SLC17A6: variants seen among roughly 807,000 people sequenced by gnomAD.
SLC17A6 encodes solute carrier family 17 member 6.
Under a neutral mutation model 67.1 loss-of-function variants are expected in SLC17A6, and 35 were observed. The observed-to-expected ratio is 0.52, with a 90% CI of 0.40 to 0.69. The LOEUF (loss-of-function observed/expected upper bound fraction) is 0.69, where lower values mean the gene tolerates loss of function less well. SLC17A6 is among the 30% of genes least tolerant of loss of function. SLC17A6 has a pLI of 0.00. For missense variants in SLC17A6, 588 were observed against 723.9 expected (o/e 0.81, Z 2.15); for synonymous variants, 285 against 252.3 (o/e 1.13, Z -1.23).
At position 22,359,249 on chromosome 11, in the gene SLC17A6, G is replaced by A. The variant is rs556075251; in HGVS notation, c.459-164G>A. On this transcript the variant is annotated intron_variant, in intron 3 of 11. Transcript: ENST00000263160. ...ATGGCCCATGTATATATTCACAATG[G>A]CTAGCCTGTTAAGTCCAGAACATAT... 6.6e-5 allele frequency among the ~76,000 whole-genome samples: 10 copies of A among 152,128 alleles called. No homozygotes were observed. The South Asian group carries it at 2.1e-3, about 32-fold the overall frequency.
rs1042128848 is a variant in SLC17A6, at chr11:22,379,057, C to A, written c.*1317C>A. 2.0e-5 allele frequency: 3 copies of A among 152,480 alleles called. No individual in the cohort carries two copies. The South Asian group carries it at 6.2e-4, about 32-fold the overall frequency. The allele number at this position is 152,480 out of a possible 1,614,324, so 9.4% of individuals were successfully genotyped here. A position where few individuals can be genotyped will look rare whatever the true frequency, so the allele number is the denominator to read the frequency against. ...AGAATTGCAACATTTGTGTACCAAG[C>A]AATAAGTGCAATGCATAAAATTTCC... On this transcript the variant is annotated 3_prime_UTR_variant, in exon 12 of 12. Transcript: ENST00000263160.
rs200240544 is a variant in SLC17A6, at chr11:22,376,029, A to T, written c.1222A>T (p.Thr408Ser). 5.7e-4 allele frequency: 913 copies of T among 1,612,462 alleles called. 15 individuals are homozygous for T. The South Asian group carries it at 9.5e-3, about 17-fold the overall frequency. Residue 408 changes from threonine to serine, a missense_variant, in exon 10 of 12, where the codon ACT becomes TCT. Around this residue, in one of 4 missense-constraint regions of SLC17A6, gnomAD observed 414 missense variants for 563.4 expected, o/e 0.73. Coordinates refer to ENST00000263160, the MANE Select transcript of SLC17A6 (RefSeq NM_020346.3). ...GCTCCTGGTCGTTGGCTATTCTCAT[A>T]CTAGAGGGGTAGCAATCTCATTCTT... ...TLLLVVGYSH[T>S]RGVAISFLVL...
At chr11:22,370,249 ATTC>A (rs1856160793) in intron 8 of SLC17A6, 61 bp downstream of exon 8, 39 of 1,394,496 alleles carry the variant, frequency 2.8e-5, no homozygotes, top group Non-Finnish European at 3.3e-5. Flanking sequence ...TGAATACTAA[ATTC>A]ATTTGCAAAA....
chr11:22,340,505 AT>A (rs2133856452), intron 1 of SLC17A6, among the ~76,000 whole-genome samples: 1 of 152,328 alleles, frequency 6.6e-6, no homozygotes, highest in South Asian at 2.1e-4. Flanking sequence ...ATGAAACACT[AT>A]GCAAAAACAA....
chr11:22,340,032 A>G (rs1428065877), intron 1 of SLC17A6, among the ~76,000 whole-genome samples: 3 of 152,216 alleles, frequency 2.0e-5, no homozygotes, highest in Non-Finnish European at 4.4e-5. Flanking sequence ...TTTATGACTT[A>G]TTCTCCAGGT....
intron 3 of SLC17A6, among the ~76,000 whole-genome samples, chr11:22,348,687 A>G (rs1855905003): frequency 6.6e-6 from 1 of 152,196 alleles, no homozygotes; most frequent in Non-Finnish European, 1.5e-5. Context: ...AACTCAATTT[A>G]CATGCTGTAT....
At position 22,378,723 on chromosome 11, in the gene SLC17A6, A is replaced by G. The variant is rs1979073; in HGVS notation, c.*983A>G. 37,613 of 152,150 alleles carry G rather than the reference A, an allele frequency of 0.25. 5,176 individuals carry two copies. Among genetic ancestry groups the G allele is most frequent in the African/African-American group, 0.37 (15,232 of 41,440 alleles). 9.4% of individuals were successfully genotyped at this position (152,150 alleles called of 1,614,324 possible). A position where few individuals can be genotyped will look rare whatever the true frequency, so the allele number is the denominator to read the frequency against. ...TGAAACTTGTGCCACAGAGCTATAT[A>G]TAATATGAAAAGATTAACTTCATAG... On this transcript the variant is annotated 3_prime_UTR_variant, in exon 12 of 12. Transcript: ENST00000263160.
intron 3 of SLC17A6, among the ~76,000 whole-genome samples, chr11:22,351,560 G>T (rs7947094): frequency 0.044 from 6,661 of 152,096 alleles, 475 homozygotes; most frequent in African/African-American, 0.15. Context: ...TGGACCCCAG[G>T]ATGTCTGATT....
intron 3 of SLC17A6, among the ~76,000 whole-genome samples, chr11:22,344,131 C>CA (rs1296398489): frequency 6.6e-6 from 1 of 152,144 alleles, no homozygotes; most frequent in Admixed American, 6.5e-5. Context: ...ACTGTGTGTA[C>CA]ATTGATAAGC....
At chr11:22,365,747 C>G in intron 7 of SLC17A6, 58 bp downstream of exon 7, 1 of 1,522,962 alleles carries the variant, frequency 6.6e-7, no homozygotes, top group Non-Finnish European at 8.8e-7. Context: ...CCCCATTGAC[C>G]AACCAAACTA....
intron 7 of SLC17A6, among the ~76,000 whole-genome samples, chr11:22,367,318 C>T (rs989141181): frequency 1.3e-5 from 2 of 151,468 alleles, no homozygotes; most frequent in African/African-American, 2.4e-5. Flanking sequence ...TATTGTTGAG[C>T]CAAATTGGCC....
intron 1 of SLC17A6, among the ~76,000 whole-genome samples, chr11:22,339,090 GTT>G (rs1491246645): frequency 2.4e-5 from 2 of 84,478 alleles, no homozygotes; most frequent in Non-Finnish European, 4.6e-5. Flanking sequence ...ATATATATAT[GTT>G]ATATATATAT....
intron 2 of SLC17A6, chr11:22,343,035 T>C: frequency 1.6e-6 from 1 of 606,778 alleles, no homozygotes. Flanking sequence ...GCGCCTGGCC[T>C]CACTATTAAT....
intron 3 of SLC17A6, among the ~76,000 whole-genome samples, chr11:22,356,819 G>A (rs1292923307): frequency 6.6e-6 from 1 of 152,186 alleles, no homozygotes; most frequent in African/African-American, 2.4e-5. Flanking sequence ...CTGGGTGACA[G>A]AGTAAGACCA....
chr11:22,341,125 G>GT (rs1208138581), intron 1 of SLC17A6, among the ~76,000 whole-genome samples: 3 of 152,198 alleles, frequency 2.0e-5, no homozygotes, highest in Non-Finnish European at 4.4e-5. Flanking sequence ...CTGGGCGCGT[G>GT]TAGGAGTGGG....
At chr11:22,340,126 T>A (rs1311060588) in intron 1 of SLC17A6, among the ~76,000 whole-genome samples, 3 of 152,232 alleles carry the variant, frequency 2.0e-5, no homozygotes, top group Non-Finnish European at 4.4e-5. Flanking sequence ...GCTATGCATA[T>A]TTGAAATTAG....
chr11:22,367,082 C>T (rs989375931), intron 7 of SLC17A6, among the ~76,000 whole-genome samples: 5 of 150,462 alleles, frequency 3.3e-5, no homozygotes, highest in Non-Finnish European at 7.4e-5. Flanking sequence ...ATTAGGCGAT[C>T]TGATCAATGA....
Position 22,377,834 on chromosome 11 carries a change from C to A in SLC17A6, c.*94C>A. On this transcript the variant is annotated 3_prime_UTR_variant, in exon 12 of 12. Coordinates refer to ENST00000263160, the MANE Select transcript of SLC17A6 (RefSeq NM_020346.3). Reference sequence around the variant, plus strand: ...AAAACACGTGATGTAAACTTGCAAGCATATCAACCAGGCAAGTCTTGCTGT... The same window carrying A: ...AAAACACGTGATGTAAACTTGCAAGAATATCAACCAGGCAAGTCTTGCTGT... 1 of 1,008,292 alleles carries A rather than the reference C, an allele frequency of 9.9e-7. No individual in the cohort carries two copies. The highest frequency in any genetic ancestry group is 1.4e-6 in the Non-Finnish European group (1 of 702,540). 62.5% of individuals were successfully genotyped at this position (1,008,292 alleles called of 1,614,324 possible).
intron 3 of SLC17A6, among the ~76,000 whole-genome samples, chr11:22,358,179 C>G (rs1856011518): frequency 6.6e-6 from 1 of 152,094 alleles, no homozygotes; most frequent in East Asian, 1.9e-4. Context: ...TCGTGTTTGG[C>G]TTGATAAAAT....
Sources: gnomAD v4.1 joint callset for allele counts (sites outside exome capture counted in the v4.1 genomes callset) on GRCh38, gnomAD v4.1.1 for gene constraint, gnomAD v4.1.1 regional missense constraint, MANE v1.5 for transcripts, NCBI Gene and HGNC (gene_info 2026-07-23, HGNC 2026-07-21) for gene names.